DSE: variants seen among roughly 807,000 people sequenced by gnomAD.
DSE encodes the protein dermatan-sulfate epimerase.
In DSE, 36 loss-of-function variants were observed where a neutral mutation model predicts 84.4. The observed-to-expected ratio is 0.43, with a 90% CI of 0.33 to 0.56. The LOEUF (loss-of-function observed/expected upper bound fraction) is 0.56. Among genes scored for constraint, DSE ranks in the 20% least tolerant of loss-of-function variants. DSE has a pLI of 0.06. For synonymous variants in DSE, 410 were observed against 430.1 expected, an observed-to-expected ratio of 0.95 and a Z score of 0.58; for missense variants, 862 against 1,169.6, an observed-to-expected ratio of 0.74 and a Z score of 3.84.
chr6:116,357,119 T>C (rs896713894), intron 2 of DSE, among the ~76,000 whole-genome samples: 4 of 152,246 alleles, frequency 2.6e-5, no homozygotes, highest in African/African-American at 9.6e-5. Flanking sequence ...GCATGTTTAC[T>C]AACATTCTGG....
intron 1 of DSE, among the ~76,000 whole-genome samples, chr6:116,379,469 C>T (rs1472178524): frequency 1.3e-5 from 2 of 152,134 alleles, no homozygotes; most frequent in African/African-American, 4.8e-5. Context: ...TTCTCTTCCT[C>T]CTCTATCTTT....
chr6:116,336,690 G>A (rs1360714519), intron 2 of DSE, among the ~76,000 whole-genome samples: 2 of 150,986 alleles, frequency 1.3e-5, no homozygotes, highest in Non-Finnish European at 2.9e-5. Flanking sequence ...GGGAGGCGGA[G>A]GTTGCAATGA....
chr6:116,299,541 TATATATATATAC>T (rs1465994502), intron 2 of DSE, among the ~76,000 whole-genome samples: 4 of 24,290 alleles, frequency 1.6e-4, no homozygotes, highest in African/African-American at 9.1e-4. Context: ...TATATATATA[TATATATATATAC>T]ACATACACAC....
chr6:116,410,828 C>T (rs1327323522), intron 2 of DSE, among the ~76,000 whole-genome samples: 1 of 150,114 alleles, frequency 6.7e-6, no homozygotes, highest in East Asian at 1.9e-4. Flanking sequence ...GTCAAGTAGG[C>T]CTTTGGTGTT....
chr6:116,318,793 T>G (rs1776138509), intron 2 of DSE, among the ~76,000 whole-genome samples: 1 of 152,222 alleles, frequency 6.6e-6, no homozygotes, highest in Admixed American at 6.5e-5. Flanking sequence ...TAAAGTGAAT[T>G]AAATCAGCTT....
upstream of DSE, among the ~76,000 whole-genome samples, chr6:116,365,470 G>A (rs1779112730): frequency 6.6e-6 from 1 of 151,354 alleles, no homozygotes; most frequent in Admixed American, 6.6e-5. Context: ...AGCCAGGATG[G>A]TCTCGATCTC....
At chr6:116,295,993 C>G (rs1345146348) in intron 2 of DSE, among the ~76,000 whole-genome samples, 4 of 152,172 alleles carry the variant, frequency 2.6e-5, no homozygotes, top group Non-Finnish European at 5.9e-5. Context: ...CCTCATCAAT[C>G]TTGGAAACCT....
intron 2 of DSE, among the ~76,000 whole-genome samples, chr6:116,321,102 T>G (rs151051232): frequency 1.1e-3 from 160 of 152,318 alleles, no homozygotes; most frequent in Middle Eastern, 3.4e-3. Context: ...TGCTCCATCT[T>G]CCTGGTATTG....
At chr6:116,278,589 G>A (rs756171541) in intron 2 of DSE, 1 of 1,614,150 alleles carries the variant, frequency 6.2e-7, no homozygotes, top group Non-Finnish European at 8.5e-7. Flanking sequence ...GGGCTCTACG[G>A]ACTCCTTCAC....
chr6:116,325,963 C>G (rs576164570), intron 2 of DSE, among the ~76,000 whole-genome samples: 1 of 152,106 alleles, frequency 6.6e-6, no homozygotes. Context: ...GTGACTGGGG[C>G]TGCACGCACC....
At chr6:116,408,123 A>G (rs900772092) in intron 2 of DSE, among the ~76,000 whole-genome samples, 2 of 152,070 alleles carry the variant, frequency 1.3e-5, no homozygotes, top group East Asian at 1.9e-4. Context: ...GTTACTTTTT[A>G]TTTAATTCAT....
At chr6:116,270,870 C>T (rs17077755) in intron 2 of DSE, among the ~76,000 whole-genome samples, 42,877 of 152,004 alleles carry the variant, frequency 0.28, 7,309 homozygotes, top group East Asian at 0.68. Context: ...CCCATGTTAC[C>T]TTCGTCTTGG....
At chr6:116,274,071 C>T (rs980401748) in intron 2 of DSE, among the ~76,000 whole-genome samples, 22 of 151,592 alleles carry the variant, frequency 1.5e-4, no homozygotes, top group African/African-American at 5.1e-4. Context: ...CTCAGGTGAT[C>T]CAGCCGCCTC....
At chr6:116,371,605 G>C (rs976385421) in intron 1 of DSE, among the ~76,000 whole-genome samples, 1 of 152,200 alleles carries the variant, frequency 6.6e-6, no homozygotes, top group African/African-American at 2.4e-5. Context: ...GCAGATCCTG[G>C]CGCTGGCAAC....
At chr6:116,304,788 G>T (rs1775246207) in intron 2 of DSE, among the ~76,000 whole-genome samples, 1 of 152,144 alleles carries the variant, frequency 6.6e-6, no homozygotes, top group South Asian at 2.1e-4. Flanking sequence ...GCCCTCATCT[G>T]CCTAGAATGA....
intron 1 of DSE, among the ~76,000 whole-genome samples, chr6:116,384,907 A>G (rs1015834554): frequency 6.6e-6 from 1 of 152,216 alleles, no homozygotes; most frequent in African/African-American, 2.4e-5. Flanking sequence ...AGTGCCATGA[A>G]GAGAAATAAA....
At chr6:116,411,341 G>A (rs1049996165) in intron 2 of DSE, among the ~76,000 whole-genome samples, 8 of 152,222 alleles carry the variant, frequency 5.3e-5, no homozygotes, top group African/African-American at 1.9e-4. Context: ...ATAGCTGGAA[G>A]AATGAGAAAT....
chr6:116,268,322 G>A (rs188251536), intron 2 of DSE, among the ~76,000 whole-genome samples: 19 of 152,246 alleles, frequency 1.2e-4, no homozygotes, highest in Non-Finnish European at 5.9e-5. Flanking sequence ...GCACAGGCTT[G>A]TAGCCTAGGA....
At chr6:116,390,943 A>G (rs1780863285) in intron 1 of DSE, among the ~76,000 whole-genome samples, 1 of 152,232 alleles carries the variant, frequency 6.6e-6, no homozygotes, top group Non-Finnish European at 1.5e-5. Context: ...GTTTAGTAGT[A>G]ACATGCACCA....
Sources: gnomAD v4.1 joint callset for allele counts (sites outside exome capture counted in the v4.1 genomes callset) on GRCh38, gnomAD v4.1.1 for gene constraint, MANE v1.5 for transcripts, NCBI Gene and HGNC (gene_info 2026-07-23, HGNC 2026-07-21) for gene names.